Variants in PITPNA observed in about 807,000 individuals in gnomAD.
PITPNA encodes phosphatidylinositol transfer protein alpha, also known as phosphatidylinositol transfer protein alpha isoform.
In PITPNA, 13 loss-of-function variants were observed where a neutral mutation model predicts 50.3. The observed-to-expected ratio is 0.26, with a 90% CI of 0.17 to 0.41. PITPNA has a LOEUF of 0.41. Ranked by LOEUF, PITPNA falls within the 10% of genes least tolerant of loss-of-function variation. The pLI, the probability that PITPNA is intolerant of heterozygous loss-of-function variation, is 1.00. For missense variants in PITPNA, 207 were observed against 333.4 expected, an observed-to-expected ratio of 0.62 and a Z score of 2.95; for synonymous variants, 120 against 119.6, an observed-to-expected ratio of 1.00 and a Z score of -0.02.
intron 6 of PITPNA, among the ~76,000 whole-genome samples, chr17:1,539,415 GCCT>G (rs1177415695): frequency 2.0e-5 from 3 of 150,900 alleles, no homozygotes; most frequent in East Asian, 3.9e-4. Flanking sequence ...TCCTGTCACA[GCCT>G]CCTGAGGAGC....
At chr17:1,541,441 AGAG>A in intron 6 of PITPNA, 122 bp downstream of exon 6, 1 of 723,752 alleles carries the variant, frequency 1.4e-6, no homozygotes, top group Non-Finnish European at 2.5e-6. Flanking sequence ...AGGTCTAGGC[AGAG>A]GCCACTGCCT....
At chr17:1,550,220 G>A (rs1428127756) in intron 3 of PITPNA, among the ~76,000 whole-genome samples, 1 of 152,090 alleles carries the variant, frequency 6.6e-6, no homozygotes, top group East Asian at 1.9e-4. Flanking sequence ...AGGAGTTTCC[G>A]GTCTACTGGG....
chr17:1,554,118 CCTT>C (rs1280232795), intron 2 of PITPNA, among the ~76,000 whole-genome samples: 1 of 152,226 alleles, frequency 6.6e-6, no homozygotes, highest in Non-Finnish European at 1.5e-5. Context: ...AGCCCTTCCG[CCTT>C]CTTCTCTGAG....
intron 1 of PITPNA, chr17:1,559,873 G>C: frequency 3.2e-6 from 2 of 628,490 alleles, no homozygotes; most frequent in African/African-American, 2.0e-5. Flanking sequence ...AAATCCTCCA[G>C]TTTACTGAAT....
At chr17:1,540,786 C>T (rs2075644387) in intron 6 of PITPNA, among the ~76,000 whole-genome samples, 1 of 152,144 alleles carries the variant, frequency 6.6e-6, no homozygotes, top group South Asian at 2.1e-4. Flanking sequence ...AGGGTTTCAC[C>T]GTGTTAGCCA....
intron 4 of PITPNA, 82 bp downstream of exon 4, chr17:1,548,213 TG>T (rs2151011282): frequency 1.1e-6 from 1 of 873,496 alleles, no homozygotes; most frequent in Non-Finnish European, 1.8e-6. Context: ...AGCCTTTCCC[TG>T]GCCTAATCCG....
chr17:1,553,694 CTCACCCATT>C (rs1567586864), intron 2 of PITPNA, among the ~76,000 whole-genome samples: 1 of 152,192 alleles, frequency 6.6e-6, no homozygotes, highest in Non-Finnish European at 1.5e-5. Flanking sequence ...ATCACTGGAT[CTCACCCATT>C]TAAATAGATC....
intron 10 of PITPNA, among the ~76,000 whole-genome samples, chr17:1,526,643 C>T (rs1201726714): frequency 6.6e-6 from 1 of 152,232 alleles, no homozygotes; most frequent in African/African-American, 2.4e-5. Context: ...TAATGCAAAG[C>T]CAGGTCCTGT....
chr17:1,541,488 C>A (rs533076951), intron 6 of PITPNA, 78 bp downstream of exon 6: 1 of 1,016,970 alleles, frequency 9.8e-7, no homozygotes, highest in East Asian at 2.4e-5. Context: ...ACAGAGAGGA[C>A]CCCATGGTAG....
intron 6 of PITPNA, among the ~76,000 whole-genome samples, chr17:1,540,578 G>A (rs73296934): frequency 0.093 from 14,143 of 151,690 alleles, 830 homozygotes; most frequent in East Asian, 0.14. Context: ...TCCTACTAAC[G>A]GGCCTTTTTT....
chr17:1,521,066 C>T (rs921114288), intron 11 of PITPNA, among the ~76,000 whole-genome samples: 1 of 152,074 alleles, frequency 6.6e-6, no homozygotes, highest in Non-Finnish European at 1.5e-5. Flanking sequence ...CAGAAACACC[C>T]TCCCAGCATC....
chr17:1,536,011 T>C (rs563527610), intron 7 of PITPNA, among the ~76,000 whole-genome samples: 1 of 152,354 alleles, frequency 6.6e-6, no homozygotes, highest in Admixed American at 6.5e-5. Flanking sequence ...AATCTTCCAG[T>C]GCAATCTCCC....
intron 2 of PITPNA, among the ~76,000 whole-genome samples, chr17:1,554,209 C>T (rs949761534): frequency 2.0e-5 from 3 of 152,024 alleles, no homozygotes; most frequent in Non-Finnish European, 2.9e-5. Context: ...TCTACACCAA[C>T]GGATGTGTCT....
intron 2 of PITPNA, among the ~76,000 whole-genome samples, chr17:1,557,966 CACGCCTGTCAT>C (rs1448003271): frequency 1.3e-5 from 2 of 152,194 alleles, no homozygotes; most frequent in African/African-American, 4.8e-5. Context: ...TGTGGGGGCT[CACGCCTGTCAT>C]CCCAGCACTT....
intron 10 of PITPNA, among the ~76,000 whole-genome samples, chr17:1,533,756 G>A (rs1204151023): frequency 1.3e-5 from 2 of 152,134 alleles, no homozygotes; most frequent in Admixed American, 6.6e-5. Flanking sequence ...AGCCCAGCCT[G>A]CCTCCTCCCA....
At position 1,521,530 on chromosome 17, in the gene PITPNA, A is replaced by C; in HGVS notation, c.*22+49T>G. 1 of 1,376,120 alleles carries C rather than the reference A, an allele frequency of 7.3e-7. No individual in the cohort carries two copies. The highest frequency in any genetic ancestry group is 1.0e-6 in the Non-Finnish European group (1 of 963,126). 85.2% of individuals were successfully genotyped at this position (1,376,120 alleles called of 1,614,324 possible). A position where few individuals can be genotyped will look rare whatever the true frequency, so the allele number is the denominator to read the frequency against. ...TGAGCTGCTGAGGCCTTGAAACCCA[A>C]ACTGATTTTAGCGTCTGTGACACGC... On this transcript the variant is annotated intron_variant, in intron 11 of 11. Transcript: ENST00000313486.
intron 6 of PITPNA, among the ~76,000 whole-genome samples, chr17:1,541,261 G>A (rs1018840670): frequency 3.3e-5 from 5 of 152,032 alleles, no homozygotes; most frequent in African/African-American, 1.2e-4. Context: ...TATTTTTTGG[G>A]AGTTACTGCA....
chr17:1,535,539 G>C, intron 7 of PITPNA, 21 bp from the exon 8 acceptor site: 7 of 1,509,232 alleles, frequency 4.6e-6, no homozygotes, highest in Non-Finnish European at 6.5e-6. Context: ...TTGTGGAATT[G>C]GGGTTGGAGG....
chr17:1,523,235 A>G (rs1374269971), intron 10 of PITPNA, among the ~76,000 whole-genome samples: 5 of 152,240 alleles, frequency 3.3e-5, no homozygotes, highest in South Asian at 2.1e-4. Context: ...AAGAATGTCA[A>G]TAAGTATTTC....
Sources: gnomAD v4.1 joint callset for allele counts (sites outside exome capture counted in the v4.1 genomes callset) on GRCh38, gnomAD v4.1.1 for gene constraint, MANE v1.5 for transcripts, NCBI Gene and HGNC (gene_info 2026-07-23, HGNC 2026-07-21) for gene names.